Variants in CYREN observed in about 807,000 individuals in gnomAD.
CYREN encodes the protein cell cycle regulator of NHEJ.
In CYREN, 7 loss-of-function variants were observed where a neutral mutation model predicts 9.7. The ratio of observed to expected loss-of-function variants is 0.72; its 90% CI spans 0.41 to 1.36. The LOEUF (loss-of-function observed/expected upper bound fraction) is 1.36, where lower values mean the gene tolerates loss of function less well. CYREN is among the 40% of genes most tolerant of loss of function. The probability of loss-of-function intolerance (pLI) is 0.01; values close to 1 mark genes in which losing one functional copy is unlikely to be tolerated. For missense variants in CYREN, 215 were observed against 198.1 expected (o/e 1.09, Z -0.51); for synonymous variants, 76 against 77.9 (o/e 0.98, Z 0.13).
At chr7:135,136,044 A>G (rs1017164725) in intron 2 of CYREN, among the ~76,000 whole-genome samples, 11 of 152,130 alleles carry the variant, frequency 7.2e-5, no homozygotes, top group African/African-American at 2.2e-4. Context: ...TAAGGCAGTG[A>G]GCACTGGGAG....
At chr7:135,129,114 G>C (rs1828363296) in intron 2 of CYREN, 1 of 1,557,170 alleles carries the variant, frequency 6.4e-7, no homozygotes, top group Non-Finnish European at 8.9e-7. Flanking sequence ...CAAAGAGCTA[G>C]TGGAAGCAGA....
intron 2 of CYREN, among the ~76,000 whole-genome samples, chr7:135,119,735 G>A (rs112521537): frequency 0.048 from 7,287 of 152,100 alleles, 242 homozygotes; most frequent in Non-Finnish European, 0.078. Flanking sequence ...AAATTAGCTG[G>A]GCGTGGCAGC....
At chr7:135,123,691 C>T (rs182659337) in intron 2 of CYREN, among the ~76,000 whole-genome samples, 137 of 152,198 alleles carry the variant, frequency 9.0e-4, no homozygotes, top group African/African-American at 3.2e-3. Context: ...TAACAGCGGC[C>T]CTCTCAGCAG....
In CYREN at chr7:135,166,466, G is replaced by C. The variant is rs1358773887; in HGVS notation, c.*145C>G. 16 of 1,348,474 alleles carry C rather than the reference G, an allele frequency of 1.2e-5. No individual in the cohort carries two copies. In the African/African-American group the frequency reaches 1.6e-4, roughly 13 times the overall value. 83.5% of individuals were successfully genotyped at this position (1,348,474 alleles called of 1,614,324 possible). ...CGGAGTGTCCAGGGGCTTCTGGCCT[G>C]AGGTGAATCTGCCAGGCCCAAGAAG... On this transcript the variant is annotated 3_prime_UTR_variant, in exon 4 of 4. Transcript: ENST00000393114.
intron 2 of CYREN, among the ~76,000 whole-genome samples, chr7:135,128,291 C>CAAAAAAAAAAA (rs61217008): frequency 5.2e-5 from 3 of 58,070 alleles, no homozygotes; most frequent in East Asian, 6.2e-4. Context: ...GACTCCATCT[C>CAAAAAAAAAAA]AAAAAAAAAA....
At chr7:135,100,435 G>A (rs375319027) in intron 2 of CYREN, among the ~76,000 whole-genome samples, 34 of 152,164 alleles carry the variant, frequency 2.2e-4, no homozygotes, top group African/African-American at 7.5e-4. Flanking sequence ...CCTTACTTAG[G>A]AATAATATAA....
rs141752237 is a variant in CYREN, at chr7:135,120,550, A to C, written n.357-25968T>G. Among the ~76,000 whole-genome samples, 318 of 152,376 alleles carry C rather than the reference A, an allele frequency of 2.1e-3. 1 individual carries two copies. The highest frequency in any genetic ancestry group is 7.0e-3 in the African/African-American group (291 of 41,598). On this transcript the variant is annotated intron_variant and non_coding_transcript_variant, in intron 2 of 2. Coordinates refer to the CYREN transcript ENST00000459937. Reference sequence around the variant, plus strand: ...GAAGGCAGGAAAGAGAAAACAAAAAACAAAAGATAAACTTTTTTTAAATGG... The same window carrying C: ...GAAGGCAGGAAAGAGAAAACAAAAACCAAAAGATAAACTTTTTTTAAATGG...
chr7:135,123,654 T>A (rs147688164), intron 2 of CYREN, among the ~76,000 whole-genome samples: 10,455 of 152,072 alleles, frequency 0.069, 436 homozygotes, highest in East Asian at 0.19. Flanking sequence ...AAAGGCCAGG[T>A]CATCTACAAA....
Position 135,168,908 on chromosome 7 carries a change from T to G in CYREN, c.15A>C (p.Gln5His), listed in dbSNP as rs750546665. Reference protein sequence around the residue: METLQSETKTRVLPS... With the variant: METLHSETKTRVLPS... ...GAAGGACCCTCGTTTTAGTCTCGGA[T>G]TGTAAGGTTTCCATCTCTGTACCTT... Residue 5 changes from glutamine to histidine, a missense_variant, in exon 2 of 4, where the codon CAA (glutamine) becomes CAC (histidine). Gln to His is a conservative substitution (Grantham distance 24). Coordinates refer to ENST00000393114, the MANE Select transcript of CYREN (RefSeq NM_024033.4). 1.2e-6 allele frequency: 2 copies of G among 1,609,698 alleles called. No homozygotes were observed. Among genetic ancestry groups the G allele is most frequent in the African/African-American group, 1.3e-5 (1 of 74,750 alleles).
chr7:135,105,662 C>T lies in CYREN; in HGVS notation n.357-11080G>A, dbSNP rs529446252. 4.6e-5 allele frequency among the ~76,000 whole-genome samples: 7 copies of T among 152,200 alleles called. No homozygotes were observed. The South Asian group carries it at 6.2e-4, about 14-fold the overall frequency. On this transcript the variant is annotated intron_variant and non_coding_transcript_variant, in intron 2 of 2. Transcript: ENST00000459937. ...TATAATATAGTTTGAAGTCAGGTAA[C>T]GTGATGCCTCCAGCTTTGTTCTTTT...
At chr7:135,092,700 T>C (rs989663682) in exon 3 of CYREN, 4 of 152,140 alleles carry the variant, frequency 2.6e-5, no homozygotes, top group African/African-American at 9.7e-5. Context: ...GAAAAGGTAA[T>C]TGTTAAGATT....
intron 2 of CYREN, among the ~76,000 whole-genome samples, chr7:135,115,033 G>A (rs1203270253): frequency 6.6e-6 from 1 of 152,056 alleles, no homozygotes; most frequent in East Asian, 1.9e-4. Context: ...CTCAGTAAGG[G>A]CCTTTGTCTC....
chr7:135,152,614 C>A (rs1316625334), intron 2 of CYREN, among the ~76,000 whole-genome samples: 3 of 152,188 alleles, frequency 2.0e-5, no homozygotes, highest in Non-Finnish European at 4.4e-5. Context: ...ATTTTGAGGT[C>A]TGTTTTTAAT....
intron 2 of CYREN, among the ~76,000 whole-genome samples, chr7:135,157,190 G>A (rs1237525179): frequency 6.6e-6 from 1 of 152,226 alleles, no homozygotes. Flanking sequence ...TGCGTCTGGT[G>A]TAGCAGTTGC....
At chr7:135,165,262 C>T, downstream of CYREN, 2 of 398,246 alleles carry the variant, frequency 5.0e-6, no homozygotes, top group Non-Finnish European at 9.4e-6. Flanking sequence ...ATTGTCACAC[C>T]AATTCCTGCT....
Position 135,168,853 on chromosome 7 carries a change from T to G in CYREN, c.70A>C (p.Lys24Gln), listed in dbSNP as rs1166953619. 6.8e-6 allele frequency: 11 copies of G among 1,614,106 alleles called. No homozygotes were observed. Among genetic ancestry groups the G allele is most frequent in the Non-Finnish European group, 8.5e-6 (10 of 1,179,986 alleles). ...GGGGCCTTCATTGGTGCCACATTCT[T>G]TGTAGCCACCTGGGCTGTCAGCCAT... ...PSWLTAQVAT[K>Q]NVAPMKAPKR... The change falls in exon 2 of 4, where the codon AAG becomes CAG. Residue 24 changes from lysine (K) to glutamine (Q), a missense_variant. Coordinates refer to ENST00000393114, the MANE Select transcript of CYREN (RefSeq NM_024033.4).
chr7:135,172,028 AC>A (rs2117587135), upstream of CYREN, among the ~76,000 whole-genome samples: 1 of 152,092 alleles, frequency 6.6e-6, no homozygotes, highest in Non-Finnish European at 1.5e-5. Context: ...TGGCCTGATC[AC>A]CCACGGTGTG....
exon 3 of CYREN, chr7:135,094,559 G>A: frequency 2.2e-6 from 1 of 456,480 alleles, no homozygotes; most frequent in Non-Finnish European, 4.4e-6. Context: ...TTCTCATAGA[G>A]CCAAGAAAGA....
At chr7:135,140,328 T>C (rs1372764518) in intron 2 of CYREN, among the ~76,000 whole-genome samples, 1 of 152,146 alleles carries the variant, frequency 6.6e-6, no homozygotes. Context: ...GTGGTTATTA[T>C]GAATGGGATT....
Sources: gnomAD v4.1 joint callset for allele counts (sites outside exome capture counted in the v4.1 genomes callset) on GRCh38, gnomAD v4.1.1 for gene constraint, MANE v1.5 for transcripts, NCBI Gene and HGNC (gene_info 2026-07-23, HGNC 2026-07-21) for gene names.